The following FBXL20 variants were observed in gnomAD, a reference collection of about 807,000 sequenced individuals.
FBXL20 encodes F-box and leucine rich repeat protein 20, also known as F-box/LRR-repeat protein 20.
In FBXL20, 11 loss-of-function variants were observed where a neutral mutation model predicts 64.0. The ratio of observed to expected loss-of-function variants is 0.17; its 90% CI spans 0.11 to 0.28. The LOEUF is 0.28. Ranked by LOEUF, FBXL20 falls within the 10% of genes least tolerant of loss-of-function variation. The pLI, the probability that FBXL20 is intolerant of heterozygous loss-of-function variation, is 1.00. For missense variants in FBXL20, 303 were observed against 526.2 expected, an observed-to-expected ratio of 0.58 and a Z score of 4.15; for synonymous variants, 184 against 189.0, an observed-to-expected ratio of 0.97 and a Z score of 0.22.
intron 1 of FBXL20, among the ~76,000 whole-genome samples, chr17:39,383,569 C>T (rs1420733575): frequency 6.7e-6 from 1 of 148,416 alleles, no homozygotes; most frequent in Non-Finnish European, 1.5e-5. Flanking sequence ...GTCAGAGTCT[C>T]TTTTTGTGAT....
intron 8 of FBXL20, 111 bp from the exon 9 acceptor site, chr17:39,281,574 C>T (rs1597772897): frequency 3.9e-6 from 3 of 759,718 alleles, no homozygotes; most frequent in South Asian, 1.8e-5. Flanking sequence ...AACCAAGTTT[C>T]GAAGGAACAA....
intron 1 of FBXL20, among the ~76,000 whole-genome samples, chr17:39,389,062 C>T (rs2048111047): frequency 7.4e-6 from 1 of 135,858 alleles, no homozygotes; most frequent in African/African-American, 2.9e-5. Flanking sequence ...TGAGATCACG[C>T]CATTGCACTC....
chr17:39,349,143 T>C (rs2047662328), intron 1 of FBXL20, among the ~76,000 whole-genome samples: 2 of 151,586 alleles, frequency 1.3e-5, no homozygotes, highest in South Asian at 2.1e-4. Context: ...TCCCAGCTAC[T>C]TGGGAGGCTG....
intron 1 of FBXL20, among the ~76,000 whole-genome samples, chr17:39,361,796 C>CA (rs1176560904): frequency 4.7e-5 from 7 of 149,510 alleles, no homozygotes; most frequent in East Asian, 3.9e-4. Context: ...GACTCCGTCT[C>CA]AAAAAAAAAT....
chr17:39,393,036 C>G (rs910764845), intron 1 of FBXL20, among the ~76,000 whole-genome samples: 1 of 151,770 alleles, frequency 6.6e-6, no homozygotes, highest in African/African-American at 2.4e-5. Flanking sequence ...TGCCTATACT[C>G]TCAGCACTTT....
At chr17:39,321,477 A>G (rs1219328167) in intron 2 of FBXL20, among the ~76,000 whole-genome samples, 4 of 149,040 alleles carry the variant, frequency 2.7e-5, no homozygotes, top group African/African-American at 7.4e-5. Context: ...AAAAAAAAAA[A>G]AAAGAAAAAT....
At chr17:39,382,429 A>G (rs2048033404) in intron 1 of FBXL20, among the ~76,000 whole-genome samples, 2 of 140,990 alleles carry the variant, frequency 1.4e-5, no homozygotes, top group Non-Finnish European at 3.0e-5. Flanking sequence ...AGCAACAGAG[A>G]GAGACTCCAT....
intron 1 of FBXL20, among the ~76,000 whole-genome samples, chr17:39,399,171 CTAT>C (rs2048216708): frequency 6.6e-6 from 1 of 151,570 alleles, no homozygotes; most frequent in Non-Finnish European, 1.5e-5. Context: ...TTGAAATTAG[CTAT>C]TATGTGATAT....
In FBXL20 at chr17:39,255,642, G is replaced by GA. The variant is rs1286951186; in HGVS notation, c.*5817dup. ...GCAGATCACCTGAGGTTGGGAGTTT[G>GA]AAACCAGCCTGACCAACATGGTGAA... On this transcript the variant is annotated 3_prime_UTR_variant, in exon 15 of 15. Transcript: ENST00000264658. The GA allele has an allele frequency of 6.6e-6, 1 of 151,510 alleles. No homozygotes were observed. Among genetic ancestry groups the GA allele is most frequent in the African/African-American group, 2.4e-5 (1 of 41,186 alleles). The allele number at this position is 151,510 out of a possible 1,614,324, so 9.4% of individuals were successfully genotyped here. A position where few individuals can be genotyped will look rare whatever the true frequency, so the allele number is the denominator to read the frequency against.
chr17:39,357,371 G>C (rs2047752562), intron 1 of FBXL20, among the ~76,000 whole-genome samples: 1 of 151,100 alleles, frequency 6.6e-6, no homozygotes, highest in South Asian at 2.1e-4. Flanking sequence ...ATTATTTCTA[G>C]ACTCTCAATA....
intron 1 of FBXL20, among the ~76,000 whole-genome samples, chr17:39,369,209 C>A (rs2144631415): frequency 6.6e-6 from 1 of 150,504 alleles, no homozygotes; most frequent in South Asian, 2.1e-4. Flanking sequence ...GATTACAAAG[C>A]TCATTAGAAT....
At chr17:39,385,247 A>G (rs965303648) in intron 1 of FBXL20, among the ~76,000 whole-genome samples, 1 of 149,992 alleles carries the variant, frequency 6.7e-6, no homozygotes, top group East Asian at 2.1e-4. Flanking sequence ...GCGTGCGTGC[A>G]CACACACACA....
chr17:39,308,181 T>C lies in FBXL20; in HGVS notation c.105-4542A>G, dbSNP rs147976900. On this transcript the variant is annotated intron_variant, in intron 2 of 14. Coordinates refer to ENST00000264658, the MANE Select transcript of FBXL20 (RefSeq NM_032875.3). Reference sequence around the variant, plus strand: ...TTCCTAAAGACAGGGTTTTGCCATGTTGCCCAGGCTGGTCTCGAGCTCCTG... The same window carrying C: ...TTCCTAAAGACAGGGTTTTGCCATGCTGCCCAGGCTGGTCTCGAGCTCCTG... Among the ~76,000 whole-genome samples the C allele has an allele frequency of 8.6e-5, 13 of 151,744 alleles. No individual in the cohort carries two copies. The East Asian group carries it at 1.8e-3, about 20-fold the overall frequency.
At chr17:39,285,728 A>C (rs558345812) in intron 6 of FBXL20, among the ~76,000 whole-genome samples, 155 bp from the exon 7 acceptor site, 198 of 152,350 alleles carry the variant, frequency 1.3e-3, no homozygotes, top group African/African-American at 4.7e-3. Flanking sequence ...ACGACCCTTC[A>C]CATTGAGGAA....
At chr17:39,296,453 G>A (rs769056974) in intron 6 of FBXL20, among the ~76,000 whole-genome samples, 3 of 151,442 alleles carry the variant, frequency 2.0e-5, no homozygotes, top group Non-Finnish European at 2.9e-5. Context: ...CCAGCTACTC[G>A]GGAGGCTGAG....
Position 39,261,475 on chromosome 17 carries a change from G to C in FBXL20, c.1296C>G (p.Cys432Trp). The change falls in exon 15 of 15, where the codon TGC becomes TGG. Residue 432 changes from cysteine to tryptophan, a missense_variant. Coordinates refer to ENST00000264658, the MANE Select transcript of FBXL20 (RefSeq NM_032875.3). ...VGGSRQRFCR[C>W]CIIL is the part of the protein sequence containing the mutation. ...ACCTCCATTGTCATAGGATGATGCA[G>C]CATCTGCAGAAGCGCTGTCTGCTGC... The C allele has an allele frequency of 6.2e-7, 1 of 1,613,482 alleles. No homozygotes were observed. Among genetic ancestry groups the C allele is most frequent in the Non-Finnish European group, 8.5e-7 (1 of 1,179,434 alleles).
chr17:39,337,166 C>T (rs1324420326), intron 2 of FBXL20, among the ~76,000 whole-genome samples: 2 of 152,138 alleles, frequency 1.3e-5, no homozygotes, highest in African/African-American at 4.8e-5. Context: ...TCGTATTTTT[C>T]TGGTGGAGAC....
intron 2 of FBXL20, among the ~76,000 whole-genome samples, chr17:39,323,426 A>G (rs920277401): frequency 6.6e-6 from 1 of 152,220 alleles, no homozygotes; most frequent in Non-Finnish European, 1.5e-5. Context: ...AAAACAGTAG[A>G]CACTAGGCAG....
chr17:39,285,054 C>T (rs962941810), intron 7 of FBXL20, among the ~76,000 whole-genome samples: 5 of 151,970 alleles, frequency 3.3e-5, no homozygotes, highest in African/African-American at 9.7e-5. Flanking sequence ...TACAGGCGCA[C>T]GCCACCATGC....
Sources: allele counts gnomAD v4.1 joint callset (sites outside exome capture counted in the v4.1 genomes callset), GRCh38; gene constraint gnomAD v4.1.1; transcripts MANE v1.5; gene names NCBI Gene and HGNC (gene_info 2026-07-23, HGNC 2026-07-21).